Variants in ARHGEF28 observed in about 807,000 individuals in gnomAD.
The protein encoded by ARHGEF28 is Rho guanine nucleotide exchange factor 28.
ARHGEF28 carries 152 observed loss-of-function variants against 206.6 expected under a neutral mutation model. The observed-to-expected ratio is 0.74, with a 90% CI of 0.64 to 0.84. The LOEUF (loss-of-function observed/expected upper bound fraction) is 0.84, where lower values mean the gene tolerates loss of function less well. ARHGEF28 is among the 40% of genes least tolerant of loss of function. The pLI, the probability that ARHGEF28 is intolerant of heterozygous loss-of-function variation, is 0.00. For synonymous variants in ARHGEF28, 763 were observed against 776.4 expected, an observed-to-expected ratio of 0.98 and a Z score of 0.29; for missense variants, 2,028 against 2,073.2, an observed-to-expected ratio of 0.98 and a Z score of 0.42.
At chr5:73,847,237 T>TA (rs1758422728) in intron 12 of ARHGEF28, among the ~76,000 whole-genome samples, 1 of 152,232 alleles carries the variant, frequency 6.6e-6, no homozygotes. Context: ...GATAATACCT[T>TA]CTTTTTGTAG....
At chr5:73,650,288 T>C (rs944226312) in intron 1 of ARHGEF28, among the ~76,000 whole-genome samples, 5 of 145,340 alleles carry the variant, frequency 3.4e-5, no homozygotes, top group Admixed American at 6.8e-5. Context: ...TTTTTTTTTT[T>C]TTTTTTTTTT....
At chr5:73,699,573 C>T (rs17552357) in intron 2 of ARHGEF28, among the ~76,000 whole-genome samples, 59,199 of 151,892 alleles carry the variant, frequency 0.39, 13,082 homozygotes, top group East Asian at 0.67. Context: ...GTAACATATA[C>T]GGGAGGGCTC....
chr5:73,837,733 T>G (rs1757739351), intron 10 of ARHGEF28, among the ~76,000 whole-genome samples: 1 of 151,216 alleles, frequency 6.6e-6, no homozygotes, highest in Admixed American at 6.6e-5. Context: ...CTTCCTTTCT[T>G]TCTTTCGTTT....
chr5:73,893,192 T>G lies in ARHGEF28; in HGVS notation c.3567-5T>G. ...GTTGTGTCTCTTGACTATTGTCTTT[T>G]AAAGTTGTCCTGAAGAAAAAGGGGG... On this transcript the variant is annotated splice_region_variant and splice_polypyrimidine_tract_variant and intron_variant, in intron 27 of 35. Transcript: ENST00000513042. 1 of 1,544,646 alleles carries G rather than the reference T, an allele frequency of 6.5e-7. No homozygotes were observed. The highest frequency in any genetic ancestry group is 8.7e-7 in the Non-Finnish European group (1 of 1,144,482).
At chr5:73,775,880 AGTCTT>A (rs201060920) in intron 5 of ARHGEF28, among the ~76,000 whole-genome samples, 84,520 of 151,332 alleles carry the variant, frequency 0.56, 25,022 homozygotes, top group African/African-American at 0.78. Flanking sequence ...TGTATATTCA[AGTCTT>A]GAATATACAT....
chr5:73,749,269 G>C (rs1226958918), intron 2 of ARHGEF28, among the ~76,000 whole-genome samples: 2 of 152,218 alleles, frequency 1.3e-5, no homozygotes, highest in East Asian at 1.9e-4. Flanking sequence ...CACAGGGTGA[G>C]GCCAGAGCTA....
Position 73,711,154 on chromosome 5 carries a change from G to A in ARHGEF28, c.33+26270G>A, listed in dbSNP as rs564561963. Among the ~76,000 whole-genome samples the A allele has an allele frequency of 9.9e-5, 15 of 152,234 alleles. No individual in the cohort carries two copies. The East Asian group carries it at 2.7e-3, about 27-fold the overall frequency. On this transcript the variant is annotated intron_variant, in intron 2 of 35. Transcript: ENST00000513042. ...ATTTTAACGTATTTTATTAATATAT[G>A]TACATTTATAGGCTATGTACCGTGT... is the stretch of plus-strand genomic sequence containing the variant.
chr5:73,897,974 AAGTTGC>A lies in ARHGEF28; in HGVS notation c.3858_3863del (p.Ala1287_Val1288del), dbSNP rs749271245. 1 of 1,582,076 alleles carries A rather than the reference AAGTTGC, an allele frequency of 6.3e-7. No individual in the cohort carries two copies. The highest frequency in any genetic ancestry group is 8.6e-7 in the Non-Finnish European group (1 of 1,163,126). On this transcript the variant is annotated inframe_deletion, in exon 30 of 36. Transcript: ENST00000513042. Reference sequence around the variant, plus strand: ...TTCTCCATCTTAGCTGAGAGCCTACAAGTTGCAGTGAAGGCCTCACAGATGGGCGCC... The same window carrying A: ...TTCTCCATCTTAGCTGAGAGCCTACAAGTGAAGGCCTCACAGATGGGCGCC...
At chr5:73,650,277 C>CTTTTTTTT (rs138217794) in intron 1 of ARHGEF28, among the ~76,000 whole-genome samples, 3 of 94,030 alleles carry the variant, frequency 3.2e-5, no homozygotes, top group Non-Finnish European at 6.0e-5. Flanking sequence ...TTCTTTCTTT[C>CTTTTTTTT]TTTTTTTTTT....
chr5:73,934,097 A>G (rs115247732), intron 35 of ARHGEF28, among the ~76,000 whole-genome samples: 3,467 of 152,224 alleles, frequency 0.023, 64 homozygotes, highest in African/African-American at 0.044. Context: ...TTATTTTATT[A>G]AATGCCTCTT....
intron 26 of ARHGEF28, among the ~76,000 whole-genome samples, chr5:73,889,096 C>T (rs1017276620): frequency 2.0e-5 from 3 of 152,198 alleles, no homozygotes; most frequent in African/African-American, 7.2e-5. Flanking sequence ...TCACAAATAT[C>T]TTATAGTTAA....
intron 7 of ARHGEF28, chr5:73,786,222 C>A (rs1754147685): frequency 6.6e-6 from 1 of 152,260 alleles, no homozygotes; most frequent in Non-Finnish European, 1.5e-5. Flanking sequence ...AGCACTCATA[C>A]CTATGGTCAT....
At chr5:73,922,884 T>C (rs1763595225) in intron 35 of ARHGEF28, among the ~76,000 whole-genome samples, 1 of 152,244 alleles carries the variant, frequency 6.6e-6, no homozygotes, top group African/African-American at 2.4e-5. Flanking sequence ...ATTGGCATGT[T>C]AGACACAAGT....
At position 73,634,833 on chromosome 5, in the gene ARHGEF28, T is replaced by C. The variant is rs1455427130; in HGVS notation, c.-12+8511T>C. Among the ~76,000 whole-genome samples the C allele has an allele frequency of 3.9e-5, 6 of 152,372 alleles. No individual in the cohort carries two copies. In the East Asian group the frequency reaches 1.2e-3, roughly 29 times the overall value. The stretch of plus-strand genomic sequence containing the variant: ...AAATAGACATGGAGGAAATCTCTTT[T>C]CTTGATCAGTCTTCTATGCTCTATC... On this transcript the variant is annotated intron_variant, in intron 1 of 35. Transcript: ENST00000513042.
At chr5:73,829,739 T>C (rs62357756) in intron 9 of ARHGEF28, among the ~76,000 whole-genome samples, 10,072 of 152,216 alleles carry the variant, frequency 0.066, 459 homozygotes, top group Non-Finnish European at 0.1. Flanking sequence ...GGATAAGATT[T>C]TTCTTAATCT....
intron 2 of ARHGEF28, among the ~76,000 whole-genome samples, chr5:73,689,814 T>C (rs1747704086): frequency 6.6e-6 from 1 of 151,774 alleles, no homozygotes; most frequent in African/African-American, 2.4e-5. Flanking sequence ...GCAGTCTGGT[T>C]TGAAGTCTAG....
chr5:73,915,082 A>C (rs1477101625), intron 35 of ARHGEF28, among the ~76,000 whole-genome samples: 1 of 152,192 alleles, frequency 6.6e-6, no homozygotes, highest in Non-Finnish European at 1.5e-5. Flanking sequence ...ATATAGAACT[A>C]ATCTAATCCT....
intron 2 of ARHGEF28, among the ~76,000 whole-genome samples, chr5:73,720,342 A>C (rs1749865334): frequency 6.6e-6 from 1 of 152,204 alleles, no homozygotes; most frequent in African/African-American, 2.4e-5. Flanking sequence ...ACTAAGGGAC[A>C]GTTGAAAAAG....
In ARHGEF28 at chr5:73,795,332, G is replaced by A. The variant is rs557233944; in HGVS notation, c.965G>A (p.Arg322His). 1.3e-4 allele frequency: 204 copies of A among 1,613,422 alleles called. No individual in the cohort carries two copies. Among genetic ancestry groups the A allele is most frequent in the African/African-American group, 2.3e-4 (17 of 74,976 alleles). ...RSAAEKEDIK[R>H]VKSLVVQHNE... ...TCCACCTGACTTTATCTCTTCCAGCGTGTCAAAAGCCTGGTGGTTCAACAC... is the reference window on the plus strand; with the variant it reads ...TCCACCTGACTTTATCTCTTCCAGCATGTCAAAAGCCTGGTGGTTCAACAC... Residue 322 changes from arginine to histidine, a missense_variant and splice_region_variant, in exon 9 of 36, where the codon CGT (arginine) becomes CAT (histidine). Transcript: ENST00000513042.
Sources: gnomAD v4.1 joint callset for allele counts (sites outside exome capture counted in the v4.1 genomes callset) on GRCh38, gnomAD v4.1.1 for gene constraint, MANE v1.5 for transcripts, NCBI Gene and HGNC (gene_info 2026-07-23, HGNC 2026-07-21) for gene names.